LAP3: variants seen among roughly 807,000 people sequenced by gnomAD.
LAP3 encodes the protein leucine aminopeptidase 3.
In LAP3, 46 loss-of-function variants were observed where a neutral mutation model predicts 58.8. The ratio of observed to expected loss-of-function variants is 0.78; its 90% CI spans 0.62 to 1.00. The LOEUF (loss-of-function observed/expected upper bound fraction) is 1.00, where lower values mean the gene tolerates loss of function less well. Among genes scored for constraint, LAP3 ranks in the 50% least tolerant of loss-of-function variants. LAP3 has a pLI of 0.00. For synonymous variants in LAP3, 257 were observed against 237.7 expected (o/e 1.08, Z -0.75); for missense variants, 615 against 659.1 (o/e 0.93, Z 0.73).
intron 7 of LAP3, among the ~76,000 whole-genome samples, chr4:17,592,987 C>T (rs186379977): frequency 1.1e-4 from 16 of 152,242 alleles, no homozygotes; most frequent in South Asian, 2.1e-4. Flanking sequence ...TTAGTAGAGA[C>T]GGGTTTTCAC....
intron 10 of LAP3, among the ~76,000 whole-genome samples, chr4:17,602,933 C>T (rs1391437392): frequency 6.6e-6 from 1 of 151,782 alleles, no homozygotes; most frequent in East Asian, 2.0e-4. Context: ...CCACCCGTCT[C>T]AGCCTCCCAA....
At chr4:17,602,443 T>A (rs1051689310) in intron 10 of LAP3, among the ~76,000 whole-genome samples, 22 of 152,280 alleles carry the variant, frequency 1.4e-4, no homozygotes, top group African/African-American at 3.6e-4. Context: ...GTTGATTTTT[T>A]AAAAATATGC....
chr4:17,587,997 T>C (rs920767227), intron 6 of LAP3, among the ~76,000 whole-genome samples: 4 of 152,022 alleles, frequency 2.6e-5, no homozygotes, highest in African/African-American at 9.7e-5. Flanking sequence ...TTACCTATCT[T>C]TAAGCACTCT....
intron 1 of LAP3, among the ~76,000 whole-genome samples, chr4:17,578,778 G>A (rs1713277582): frequency 6.6e-6 from 1 of 152,214 alleles, no homozygotes; most frequent in African/African-American, 2.4e-5. Context: ...GAGCCGCTAA[G>A]TGCTTAGCAG....
chr4:17,577,963 T>C (rs1713254844), intron 1 of LAP3, among the ~76,000 whole-genome samples: 1 of 152,188 alleles, frequency 6.6e-6, no homozygotes, highest in Non-Finnish European at 1.5e-5. Flanking sequence ...GTCACAGGGC[T>C]CCTTCCCCCG....
At chr4:17,588,303 T>C (rs2109019947) in intron 6 of LAP3, among the ~76,000 whole-genome samples, 1 of 152,254 alleles carries the variant, frequency 6.6e-6, no homozygotes, top group Admixed American at 6.5e-5. Context: ...TAATTTCATC[T>C]TTATTATATC....
chr4:17,605,701 C>T (rs1714110634), intron 11 of LAP3, among the ~76,000 whole-genome samples: 1 of 152,194 alleles, frequency 6.6e-6, no homozygotes, highest in African/African-American at 2.4e-5. Context: ...CCATCATCTT[C>T]TTCCAGGCCG....
At chr4:17,583,758 A>C in intron 5 of LAP3, 116 bp downstream of exon 5, 1 of 1,087,582 alleles carries the variant, frequency 9.2e-7, no homozygotes, top group Non-Finnish European at 1.4e-6. Flanking sequence ...CTTGGCTGTG[A>C]CCTCCCCATT....
Position 17,577,339 on chromosome 4 carries a change from C to T in LAP3, c.-127C>T. 1 of 639,596 alleles carries T rather than the reference C, an allele frequency of 1.6e-6. No homozygotes were observed. The highest frequency in any genetic ancestry group is 2.5e-6 in the Non-Finnish European group (1 of 405,626). 39.6% of individuals were successfully genotyped at this position (639,596 alleles called of 1,614,324 possible). A position where few individuals can be genotyped will look rare whatever the true frequency, so the allele number is the denominator to read the frequency against. ...GTCCCGCCCCCTAGACGCACGTCCG[C>T]TCGCCCGGCGCCCGAGCCAGTCCGC... On this transcript the variant is annotated 5_prime_UTR_variant, in exon 1 of 13. Coordinates refer to ENST00000226299, the MANE Select transcript of LAP3 (RefSeq NM_015907.3).
intron 1 of LAP3, among the ~76,000 whole-genome samples, chr4:17,579,447 G>A (rs147453815): frequency 0.012 from 1,781 of 152,302 alleles, 40 homozygotes; most frequent in African/African-American, 0.041. Context: ...TAACTAATGT[G>A]CCAAAGCGGT....
chr4:17,595,627 AAAGAT>A (rs1308644406), intron 8 of LAP3, 93 bp downstream of exon 8: 1 of 1,377,610 alleles, frequency 7.3e-7, no homozygotes, highest in Non-Finnish European at 1.0e-6. Flanking sequence ...CCTAATCTGA[AAAGAT>A]AAGAAATGAT....
intron 7 of LAP3, among the ~76,000 whole-genome samples, chr4:17,594,867 T>G (rs951802449): frequency 6.6e-6 from 1 of 152,092 alleles, no homozygotes; most frequent in African/African-American, 2.4e-5. Context: ...AGTTGATCAA[T>G]TCATAAAATT....
At chr4:17,578,924 G>T (rs1192395302) in intron 1 of LAP3, among the ~76,000 whole-genome samples, 1 of 152,120 alleles carries the variant, frequency 6.6e-6, no homozygotes, top group Non-Finnish European at 1.5e-5. Flanking sequence ...AGAATATCTG[G>T]GATTTGCACT....
chr4:17,606,692 T>C (rs1195992319), intron 11 of LAP3, 137 bp from the exon 12 acceptor site: 2 of 561,810 alleles, frequency 3.6e-6, no homozygotes, highest in Admixed American at 3.5e-5. Context: ...GACACAATTC[T>C]GAAACCTATT....
chr4:17,606,547 C>A (rs972179391), intron 11 of LAP3, among the ~76,000 whole-genome samples: 4 of 152,182 alleles, frequency 2.6e-5, no homozygotes, highest in African/African-American at 9.7e-5. Flanking sequence ...ACCATGTTGG[C>A]CAGGATGGTC....
intron 11 of LAP3, 70 bp from the exon 12 acceptor site, chr4:17,606,759 G>A (rs558971688): frequency 3.4e-6 from 3 of 895,260 alleles, no homozygotes; most frequent in East Asian, 2.5e-5. Flanking sequence ...CATGCATTGA[G>A]CATGTTAATG....
At position 17,577,512 on chromosome 4, in the gene LAP3, G is replaced by C. The variant is rs1274204307; in HGVS notation, c.47G>C (p.Arg16Pro). The change falls in exon 1 of 13, where the codon CGT (arginine) becomes CCT (proline). Residue 16 changes from arginine to proline, a missense_variant. Physicochemically the swap from Arg to Pro is moderately radical, Grantham distance 103. Coordinates refer to ENST00000226299, the MANE Select transcript of LAP3 (RefSeq NM_015907.3). Reference sequence around the variant, plus strand: ...GCTGCGGGGCGAGTAGTCGTCCGACGTCTGGCCGTGAGACGTTTCGGGAGC... The same window carrying C: ...GCTGCGGGGCGAGTAGTCGTCCGACCTCTGGCCGTGAGACGTTTCGGGAGC... ...LPAAGRVVVR[R>P]LAVRRFGSRS... is the part of the protein sequence containing the mutation. 1 of 1,586,982 alleles carries C rather than the reference G, an allele frequency of 6.3e-7. No individual in the cohort carries two copies. Among genetic ancestry groups the C allele is most frequent in the Non-Finnish European group, 8.6e-7 (1 of 1,168,408 alleles).
chr4:17,582,403 C>G lies in LAP3; in HGVS notation c.379+10C>G, dbSNP rs370711025. ...AGAGCTGCTGTTGCAGGTTATTTCACTTTTTAAGTTTAAAGAATCCTGAGG... is the reference window on the plus strand; with the variant it reads ...AGAGCTGCTGTTGCAGGTTATTTCAGTTTTTAAGTTTAAAGAATCCTGAGG... On this transcript the variant is annotated intron_variant, in intron 4 of 12. Coordinates refer to ENST00000226299, the MANE Select transcript of LAP3 (RefSeq NM_015907.3). The G allele has an allele frequency of 6.2e-7, 1 of 1,600,590 alleles. No individual in the cohort carries two copies. Among genetic ancestry groups the G allele is most frequent in the Non-Finnish European group, 8.5e-7 (1 of 1,170,766 alleles).
chr4:17,597,217 G>A (rs41268395), intron 9 of LAP3, 83 bp downstream of exon 9: 38,586 of 1,116,796 alleles, frequency 0.035, 908 homozygotes, highest in South Asian at 0.063. Context: ...GCTAGGATGC[G>A]TGCAGAGCCC....
Sources: gnomAD v4.1 joint callset for allele counts (sites outside exome capture counted in the v4.1 genomes callset) on GRCh38, gnomAD v4.1.1 for gene constraint, MANE v1.5 for transcripts, NCBI Gene and HGNC (gene_info 2026-07-23, HGNC 2026-07-21) for gene names.